Variants in NAV3 observed in about 807,000 individuals in gnomAD.
The protein encoded by NAV3 is pore membrane and/or filament interacting like protein 1.
NAV3 carries 87 observed loss-of-function variants against 244.7 expected under a neutral mutation model. That is an observed-to-expected ratio of 0.36 (90% CI 0.30 to 0.42). The LOEUF (loss-of-function observed/expected upper bound fraction) is 0.42, where lower values mean the gene tolerates loss of function less well. Among genes scored for constraint, NAV3 ranks in the 20% least tolerant of loss-of-function variants. The pLI, the probability that NAV3 is intolerant of heterozygous loss-of-function variation, is 1.00. For synonymous variants in NAV3, 1,126 were observed against 1,042.2 expected (o/e 1.08, Z -1.55); for missense variants, 2,663 against 2,893.3 (o/e 0.92, Z 1.83).
chr12:77,702,956 T>C (rs1383577835), intron 2 of NAV3, among the ~76,000 whole-genome samples: 6 of 152,054 alleles, frequency 3.9e-5, no homozygotes, highest in Non-Finnish European at 8.8e-5. Flanking sequence ...TGTACTGTGA[T>C]GGTCTGCTGC....
chr12:78,175,262 G>A lies in NAV3; in HGVS notation c.4982-44G>A, dbSNP rs566941050. 44 of 1,601,320 alleles carry A rather than the reference G, an allele frequency of 2.7e-5. No individual in the cohort carries two copies. In the South Asian group the frequency reaches 3.6e-4, roughly 13 times the overall value. The stretch of plus-strand genomic sequence containing the variant: ...CCTAAAAGACTTATTTGTTCAGATC[G>A]AGACTCTTCATGAGCCGATGTGATA... On this transcript the variant is annotated intron_variant, in intron 24 of 39. Transcript: ENST00000397909.
intron 9 of NAV3, among the ~76,000 whole-genome samples, chr12:78,049,121 G>A (rs1005919808): frequency 2.0e-5 from 3 of 152,188 alleles, no homozygotes. Context: ...CTGGCAATGA[G>A]AATTTCAAGC....
At chr12:77,880,834 C>T (rs1302874716) in intron 1 of NAV3, among the ~76,000 whole-genome samples, 1 of 152,104 alleles carries the variant, frequency 6.6e-6, no homozygotes, top group Admixed American at 6.6e-5. Flanking sequence ...TGGGCTGTTC[C>T]ATCTAGATTT....
chr12:77,979,224 C>CA (rs11297628), intron 5 of NAV3, among the ~76,000 whole-genome samples: 2 of 126,030 alleles, frequency 1.6e-5, no homozygotes, highest in Non-Finnish European at 3.3e-5. Flanking sequence ...AAATACAATA[C>CA]AAAAAAAAAA....
At chr12:78,185,728 C>T in intron 31 of NAV3, 30 bp downstream of exon 31, 1 of 1,553,978 alleles carries the variant, frequency 6.4e-7, no homozygotes, top group African/African-American at 1.4e-5. Context: ...CTCTTTATTA[C>T]TAACAATGAG....
rs1193746216 is a variant in NAV3, at chr12:78,168,193, C to A, written c.4870-562C>A. Among the ~76,000 whole-genome samples, 4 of 151,630 alleles carry A rather than the reference C, an allele frequency of 2.6e-5. No homozygotes were observed. The East Asian group carries it at 7.7e-4, about 29-fold the overall frequency. On this transcript the variant is annotated intron_variant, in intron 23 of 39. Transcript: ENST00000397909. ...GAAAAAGTATCAGAATGTAACATGA[C>A]TTTGATATGGCATCAGAATTTAATA... is the stretch of plus-strand genomic sequence containing the variant.
At chr12:78,036,606 T>G in intron 9 of NAV3, 2 of 318,370 alleles carry the variant, frequency 6.3e-6, no homozygotes, top group South Asian at 7.8e-5. Context: ...TGGAGGAGAG[T>G]CTTTGGTGAA....
intron 9 of NAV3, among the ~76,000 whole-genome samples, chr12:78,024,442 TC>T (rs1399550139): frequency 2.0e-5 from 3 of 152,096 alleles, no homozygotes; most frequent in Non-Finnish European, 4.4e-5. Flanking sequence ...ACATCACCAG[TC>T]CCATCCTTTC....
intron 12 of NAV3, among the ~76,000 whole-genome samples, chr12:78,108,294 A>G (rs941278127): frequency 2.0e-5 from 3 of 152,170 alleles, no homozygotes; most frequent in African/African-American, 7.2e-5. Flanking sequence ...ACACTAGAGA[A>G]CTCAGATCCA....
chr12:78,197,496 TATTTA>T, intron 35 of NAV3, 95 bp downstream of exon 35: 1 of 863,976 alleles, frequency 1.2e-6, no homozygotes, highest in South Asian at 2.4e-5. Flanking sequence ...ATTTGTTTAA[TATTTA>T]ATTTTTATTT....
intron 2 of NAV3, among the ~76,000 whole-genome samples, chr12:77,744,135 A>G (rs1030019288): frequency 2.6e-5 from 4 of 151,982 alleles, no homozygotes; most frequent in African/African-American, 9.7e-5. Context: ...CAAAATAAGA[A>G]AGAAAGCTAT....
chr12:77,746,438 G>A (rs573693895), intron 2 of NAV3, among the ~76,000 whole-genome samples: 5 of 152,178 alleles, frequency 3.3e-5, no homozygotes, highest in African/African-American at 1.2e-4. Flanking sequence ...CTGGCCTACT[G>A]GGATGTTAAG....
intron 3 of NAV3, among the ~76,000 whole-genome samples, chr12:77,955,701 C>A (rs1002292433): frequency 2.1e-4 from 32 of 152,120 alleles, no homozygotes; most frequent in African/African-American, 7.5e-4. Flanking sequence ...GAAACCACAT[C>A]TCTACTAAAA....
chr12:78,061,622 A>G lies in NAV3; in HGVS notation c.2636+2507A>G, dbSNP rs528719540. On this transcript the variant is annotated intron_variant, in intron 12 of 39. Coordinates refer to ENST00000397909, the MANE Select transcript of NAV3 (RefSeq NM_001024383.2). Reference sequence around the variant, plus strand: ...GAAGGTCTTTTAAAATCTTATATTCAGGAAGTGACTCGGGATGTATATCAT... The same window carrying G: ...GAAGGTCTTTTAAAATCTTATATTCGGGAAGTGACTCGGGATGTATATCAT... 9.7e-4 allele frequency among the ~76,000 whole-genome samples: 148 copies of G among 152,138 alleles called. 1 individual carries two copies. The highest frequency in any genetic ancestry group is 1.9e-3 in the South Asian group (9 of 4,832).
At chr12:78,043,600 CT>C in intron 9 of NAV3, among the ~76,000 whole-genome samples, 1 of 152,058 alleles carries the variant, frequency 6.6e-6, no homozygotes. Flanking sequence ...TCTGTTGTTT[CT>C]TGACTTTTTA....
chr12:77,586,179 A>T (rs12314800), intron 2 of NAV3, among the ~76,000 whole-genome samples: 27,975 of 151,776 alleles, frequency 0.18, 2,919 homozygotes, highest in Admixed American at 0.25. Context: ...GAAAAAAAAA[A>T]TTGCTGTAAG....
chr12:77,586,382 A>G (rs1372857338), intron 2 of NAV3, among the ~76,000 whole-genome samples: 1 of 152,192 alleles, frequency 6.6e-6, no homozygotes, highest in Non-Finnish European at 1.5e-5. Flanking sequence ...TCTTTCCAAA[A>G]TTCAGAAAGA....
chr12:77,686,511 T>C (rs1874760320), intron 2 of NAV3, among the ~76,000 whole-genome samples: 1 of 151,740 alleles, frequency 6.6e-6, no homozygotes, highest in South Asian at 2.1e-4. Flanking sequence ...AATTGTTTTA[T>C]ACTTTTCCTA....
In NAV3 at chr12:78,180,887, T is replaced by C. The variant is rs2139732035; in HGVS notation, c.5534T>C (p.Leu1845Pro). 6.2e-7 allele frequency: 1 copy of C among 1,612,402 alleles called. No homozygotes were observed. Among genetic ancestry groups the C allele is most frequent in the South Asian group, 1.1e-5 (1 of 90,944 alleles). Residue 1845 changes from leucine to proline, a missense_variant, in exon 30 of 40, where the codon CTG (leucine) becomes CCG (proline). Around this residue, in one of 6 missense-constraint regions of NAV3, gnomAD observed 543 missense variants for 672.4 expected, o/e 0.81. Transcript: ENST00000397909. Reference protein sequence around the residue: ...MNRMQNEIEILKAENDRLKAE... With the variant: ...MNRMQNEIEIPKAENDRLKAE... ...TCATAACAGAATGAAATTGAAATAC[T>C]GAAAGCTGAAAATGACCGGTTGAAG...
Sources: gnomAD v4.1 joint callset for allele counts (sites outside exome capture counted in the v4.1 genomes callset) on GRCh38, gnomAD v4.1.1 for gene constraint, gnomAD v4.1.1 regional missense constraint, MANE v1.5 for transcripts, NCBI Gene and HGNC (gene_info 2026-07-23, HGNC 2026-07-21) for gene names.